Variants in TBC1D5 observed in about 807,000 individuals in gnomAD.
The protein encoded by TBC1D5 is TBC1 domain family member 5.
Under a neutral mutation model 100.3 loss-of-function variants are expected in TBC1D5, and 75 were observed. The observed-to-expected ratio is 0.75, with a 90% confidence interval of 0.62 to 0.91. The LOEUF (loss-of-function observed/expected upper bound fraction) is 0.91. Among genes scored for constraint, TBC1D5 ranks in the 40% least tolerant of loss-of-function variants. The pLI is 0.00. For synonymous variants in TBC1D5, 323 were observed against 325.6 expected, an observed-to-expected ratio of 0.99 and a Z score of 0.09; for missense variants, 910 against 942.4, an observed-to-expected ratio of 0.97 and a Z score of 0.45.
chr3:17,423,480 A>G (rs537760875), intron 4 of TBC1D5, among the ~76,000 whole-genome samples: 1 of 152,268 alleles, frequency 6.6e-6, no homozygotes, highest in African/African-American at 2.4e-5. Context: ...ATTCAACACC[A>G]AAGCTCCTAA....
intron 1 of TBC1D5, among the ~76,000 whole-genome samples, chr3:17,666,107 T>C (rs1560415069): frequency 1.3e-5 from 2 of 152,232 alleles, no homozygotes; most frequent in Admixed American, 6.5e-5. Context: ...CTCTTCAAAG[T>C]ATAAATATTT....
chr3:17,536,741 A>AC (rs2153407193), intron 2 of TBC1D5, among the ~76,000 whole-genome samples: 1 of 152,320 alleles, frequency 6.6e-6, no homozygotes, highest in African/African-American at 2.4e-5. Flanking sequence ...ACACTGATTT[A>AC]CCCCAAAAAG....
At chr3:17,740,483 G>A (rs1560598895) in exon 1 of TBC1D5, 1 of 152,100 alleles carries the variant, frequency 6.6e-6, no homozygotes, top group Non-Finnish European at 1.5e-5. Context: ...AAGTTATTTA[G>A]AAGTACAACC....
intron 3 of TBC1D5, among the ~76,000 whole-genome samples, chr3:17,451,442 C>G (rs948061378): frequency 1.3e-5 from 2 of 152,070 alleles, no homozygotes; most frequent in African/African-American, 4.8e-5. Flanking sequence ...ATCAAAACCA[C>G]AACGAGATAC....
At chr3:17,285,809 A>C (rs2150032346) in intron 15 of TBC1D5, among the ~76,000 whole-genome samples, 1 of 152,340 alleles carries the variant, frequency 6.6e-6, no homozygotes, top group East Asian at 1.9e-4. Context: ...TGAAATTCAG[A>C]CTTTTTGTAA....
chr3:17,266,231 T>C (rs2078833814), intron 15 of TBC1D5, among the ~76,000 whole-genome samples: 1 of 152,206 alleles, frequency 6.6e-6, no homozygotes, highest in Non-Finnish European at 1.5e-5. Context: ...ACTGCCCTTT[T>C]CATTAAATAC....
At chr3:17,317,933 T>A (rs920048260) in intron 13 of TBC1D5, among the ~76,000 whole-genome samples, 3 of 152,032 alleles carry the variant, frequency 2.0e-5, no homozygotes, top group African/African-American at 7.3e-5. Context: ...CACACGTATG[T>A]TTATTGCGGC....
intron 3 of TBC1D5, among the ~76,000 whole-genome samples, chr3:17,466,749 C>T (rs1477637758): frequency 2.6e-5 from 4 of 151,026 alleles, no homozygotes; most frequent in Admixed American, 2.0e-4. Context: ...TGGCTTAACA[C>T]CTTATATGCA....
chr3:17,234,824 C>G (rs954317724), intron 17 of TBC1D5, among the ~76,000 whole-genome samples: 2 of 152,136 alleles, frequency 1.3e-5, no homozygotes, highest in Admixed American at 1.3e-4. Flanking sequence ...CTATGACTTA[C>G]AGCATGGCCA....
chr3:17,536,832 T>C (rs1376241314), intron 2 of TBC1D5, among the ~76,000 whole-genome samples: 1 of 152,170 alleles, frequency 6.6e-6, no homozygotes, highest in African/African-American at 2.4e-5. Flanking sequence ...GTTGAGAGAG[T>C]TAAGCTGTCT....
exon 22 of TBC1D5, chr3:17,160,849 A>G (rs2065958049): frequency 1.3e-5 from 18 of 1,338,634 alleles, no homozygotes; most frequent in Non-Finnish European, 1.0e-6. Flanking sequence ...TGCAAAATGC[A>G]TGCCGGGAAG....
intron 18 of TBC1D5, among the ~76,000 whole-genome samples, chr3:17,213,049 T>G (rs1005729192): frequency 6.6e-6 from 1 of 152,206 alleles, no homozygotes; most frequent in Non-Finnish European, 1.5e-5. Flanking sequence ...ACTTCCAGGC[T>G]CCATTCATAA....
At chr3:17,162,441 G>A (rs938475050) in intron 21 of TBC1D5, among the ~76,000 whole-genome samples, 6 of 152,236 alleles carry the variant, frequency 3.9e-5, no homozygotes, top group Admixed American at 3.3e-4. Flanking sequence ...TAGGGGGCAA[G>A]TGGCTAAATA....
chr3:17,527,322 G>A (rs535988627), intron 2 of TBC1D5, among the ~76,000 whole-genome samples: 1 of 152,306 alleles, frequency 6.6e-6, no homozygotes, highest in South Asian at 2.1e-4. Flanking sequence ...AGAGCATGCT[G>A]CGAACAGCAA....
chr3:17,526,847 T>C (rs1560087817), intron 2 of TBC1D5, among the ~76,000 whole-genome samples: 1 of 152,226 alleles, frequency 6.6e-6, no homozygotes, highest in Non-Finnish European at 1.5e-5. Context: ...TTGAGTGATC[T>C]ATAATATTTG....
At chr3:17,736,177 G>A (rs976340054) in intron 1 of TBC1D5, among the ~76,000 whole-genome samples, 3 of 152,030 alleles carry the variant, frequency 2.0e-5, no homozygotes, top group African/African-American at 4.8e-5. Context: ...ATTCTTAGTC[G>A]GCCTAGGAAA....
chr3:17,169,443 A>G (rs1331791052), intron 19 of TBC1D5, among the ~76,000 whole-genome samples: 1 of 152,228 alleles, frequency 6.6e-6, no homozygotes, highest in Non-Finnish European at 1.5e-5. Flanking sequence ...TTCCAGCCTG[A>G]CAATTTATTA....
At chr3:17,312,124 C>T (rs2084097745) in intron 13 of TBC1D5, among the ~76,000 whole-genome samples, 1 of 151,922 alleles carries the variant, frequency 6.6e-6, no homozygotes, top group Non-Finnish European at 1.5e-5. Context: ...CCTGAGTTTT[C>T]CTTTATATCA....
At chr3:17,287,138 A>T (rs2081263995) in intron 15 of TBC1D5, among the ~76,000 whole-genome samples, 1 of 152,178 alleles carries the variant, frequency 6.6e-6, no homozygotes, top group Non-Finnish European at 1.5e-5. Flanking sequence ...AAAATAAACC[A>T]CTGGCTGTGG....
Sources: gnomAD v4.1 joint callset for allele counts (sites outside exome capture counted in the v4.1 genomes callset) on GRCh38, gnomAD v4.1.1 for gene constraint, MANE v1.5 for transcripts, NCBI Gene and HGNC (gene_info 2026-07-23, HGNC 2026-07-21) for gene names.